CDK5RAP2: variants seen among roughly 807,000 people sequenced by gnomAD.
The protein encoded by CDK5RAP2 is CDK5 regulatory subunit associated protein 2.
Under a neutral mutation model 232.9 loss-of-function variants are expected in CDK5RAP2, and 147 were observed. The observed-to-expected ratio is 0.63, with a 90% CI of 0.55 to 0.72. CDK5RAP2 has a LOEUF of 0.72. Among genes scored for constraint, CDK5RAP2 ranks in the 30% least tolerant of loss-of-function variants. CDK5RAP2 has a pLI of 0.00. For missense variants in CDK5RAP2, 2,195 were observed against 2,231.5 expected (o/e 0.98, Z 0.33); for synonymous variants, 833 against 833.7 (o/e 1.00, Z 0.01).
chr9:120,535,741 AG>A (rs1220111343), intron 7 of CDK5RAP2, among the ~76,000 whole-genome samples: 2 of 152,250 alleles, frequency 1.3e-5, no homozygotes, highest in Admixed American at 1.3e-4. Context: ...GACTGCCTAA[AG>A]GACATATCAA....
Position 120,403,162 on chromosome 9 carries a change from G to C in CDK5RAP2, c.5042-91C>G. 1 of 1,395,964 alleles carries C rather than the reference G, an allele frequency of 7.2e-7. No individual in the cohort carries two copies. The highest frequency in any genetic ancestry group is 1.0e-6 in the Non-Finnish European group (1 of 990,338). The allele number at this position is 1,395,964 out of a possible 1,614,324, so 86.5% of individuals were successfully genotyped here. ...ATGTTGAAGCTAGCTAGGAGGGCTA[G>C]AAGAGGCCCTCGTGCCCAAATGCCA... On this transcript the variant is annotated intron_variant, in intron 33 of 37. Coordinates refer to ENST00000349780, the MANE Select transcript of CDK5RAP2 (RefSeq NM_018249.6). This position sits in a 1 kb window ranked among gnomAD's most constrained non-coding sequence, Gnocchi z 4.2.
intron 22 of CDK5RAP2, among the ~76,000 whole-genome samples, chr9:120,444,654 CTTAAAA>C (rs531171294): frequency 1.6e-3 from 238 of 152,280 alleles, no homozygotes; most frequent in Non-Finnish European, 2.0e-3. Context: ...CAAAAGAAAA[CTTAAAA>C]TTAAATGGAA....
chr9:120,506,133 C>T (rs117829799), intron 12 of CDK5RAP2, among the ~76,000 whole-genome samples: 1 of 152,318 alleles, frequency 6.6e-6, no homozygotes, highest in Non-Finnish European at 1.5e-5. Flanking sequence ...GGGGCTAATG[C>T]AGCTGGTAAC....
chr9:120,389,818 G>T, intron 36 of CDK5RAP2, 31 bp from the exon 37 acceptor site: 1 of 1,609,366 alleles, frequency 6.2e-7, no homozygotes, highest in Non-Finnish European at 8.5e-7. Context: ...GCAATGATTA[G>T]GGCCATGGAT....
At chr9:120,515,396 A>G (rs2040286788) in intron 12 of CDK5RAP2, among the ~76,000 whole-genome samples, 1 of 152,210 alleles carries the variant, frequency 6.6e-6, no homozygotes, top group African/African-American at 2.4e-5. Flanking sequence ...TACAGGTTAT[A>G]TTAATTAACT....
Position 120,455,736 on chromosome 9 carries a change from C to CA in CDK5RAP2, c.2376-1864dup, listed in dbSNP as rs774549079. 3.0e-3 allele frequency among the ~76,000 whole-genome samples: 393 copies of CA among 131,460 alleles called. 3 individuals carry two copies. Among genetic ancestry groups the CA allele is most frequent in the African/African-American group, 5.0e-3 (178 of 35,710 alleles). 86.2% of individuals were successfully genotyped at this position (131,460 alleles called of 152,430 possible). A position where few individuals can be genotyped will look rare whatever the true frequency, so the allele number is the denominator to read the frequency against. ...TGGGCAACAGAGCCAAACCTTGTGTCAAAAAAAAAAAAAAATCAAGAAAGG... is the reference window on the plus strand; with the variant it reads ...TGGGCAACAGAGCCAAACCTTGTGTCAAAAAAAAAAAAAAAATCAAGAAAGG... On this transcript the variant is annotated intron_variant, in intron 20 of 37. Coordinates refer to ENST00000349780, the MANE Select transcript of CDK5RAP2 (RefSeq NM_018249.6).
chr9:120,402,655 T>A (rs2033125162), intron 34 of CDK5RAP2, 151 bp downstream of exon 34: 1 of 814,010 alleles, frequency 1.2e-6, no homozygotes, highest in Admixed American at 2.4e-5. Context: ...TTCCCCACAC[T>A]GGACCTGACC....
chr9:120,546,786 G>T (rs2041858268), intron 4 of CDK5RAP2, among the ~76,000 whole-genome samples: 1 of 151,926 alleles, frequency 6.6e-6, no homozygotes, highest in Admixed American at 6.6e-5. Flanking sequence ...GGCGTGCACT[G>T]CCACACCCGT....
In CDK5RAP2 at chr9:120,473,792, G is replaced by A. The variant is rs369433425; in HGVS notation, c.1728-1914C>T. On this transcript the variant is annotated intron_variant, in intron 15 of 37. Transcript: ENST00000349780. ...GGAGAAAAAAAGAGACTGTTTTAGA[G>A]AAGCTCCTGCGATTAGGGCTGGGGA... Among the ~76,000 whole-genome samples the A allele has an allele frequency of 1.8e-4, 27 of 152,334 alleles. No homozygotes were observed. In the East Asian group the frequency reaches 2.1e-3, roughly 12 times the overall value.
At chr9:120,564,243 G>A (rs1016241586) in intron 3 of CDK5RAP2, among the ~76,000 whole-genome samples, 2 of 152,086 alleles carry the variant, frequency 1.3e-5, no homozygotes, top group Non-Finnish European at 2.9e-5. Flanking sequence ...CAAGGCAGGC[G>A]GATCACAAGG....
At chr9:120,527,455 A>T (rs1037535474) in intron 10 of CDK5RAP2, among the ~76,000 whole-genome samples, 4 of 152,178 alleles carry the variant, frequency 2.6e-5, no homozygotes, top group African/African-American at 9.7e-5. Flanking sequence ...TCTGAAAAAA[A>T]AAAGTGTTGA....
chr9:120,401,917 G>A (rs2033052450), intron 34 of CDK5RAP2, among the ~76,000 whole-genome samples: 1 of 151,982 alleles, frequency 6.6e-6, no homozygotes, highest in Non-Finnish European at 1.5e-5. Flanking sequence ...CCAAGAGGAG[G>A]AGGCTGCAGT....
chr9:120,426,256 T>C (rs1172972545), intron 25 of CDK5RAP2, among the ~76,000 whole-genome samples: 1 of 152,230 alleles, frequency 6.6e-6, no homozygotes, highest in Non-Finnish European at 1.5e-5. Flanking sequence ...GCCAAGGTTA[T>C]GGATCATGAC....
chr9:120,405,391 G>A (rs970610890), intron 32 of CDK5RAP2, among the ~76,000 whole-genome samples: 2 of 152,106 alleles, frequency 1.3e-5, no homozygotes, highest in African/African-American at 2.4e-5. Flanking sequence ...GGCTGCTTTC[G>A]GCAAATTTCA....
intron 31 of CDK5RAP2, chr9:120,407,519 G>T (rs759151997): frequency 5.0e-4 from 249 of 493,502 alleles, no homozygotes; most frequent in Middle Eastern, 2.8e-3. Context: ...CCGAAATTAT[G>T]TCTAGTAGTA....
intron 14 of CDK5RAP2, among the ~76,000 whole-genome samples, chr9:120,482,170 A>G (rs1302509816): frequency 6.6e-6 from 1 of 152,204 alleles, no homozygotes; most frequent in African/African-American, 2.4e-5. Context: ...GGTTGGGGAA[A>G]AAAAACAATA....
intron 17 of CDK5RAP2, among the ~76,000 whole-genome samples, chr9:120,468,339 C>T (rs1450685610): frequency 1.3e-5 from 2 of 152,192 alleles, no homozygotes; most frequent in Non-Finnish European, 2.9e-5. Context: ...TCTAAGTGCT[C>T]AGTCAATGAC....
intron 11 of CDK5RAP2, among the ~76,000 whole-genome samples, chr9:120,521,119 C>T (rs975498459): frequency 1.3e-5 from 2 of 152,116 alleles, no homozygotes; most frequent in African/African-American, 4.8e-5. Flanking sequence ...ACAGAGGTTC[C>T]ACAAACCAAA....
At chr9:120,531,521 T>C (rs1013146869) in intron 7 of CDK5RAP2, among the ~76,000 whole-genome samples, 17 of 152,138 alleles carry the variant, frequency 1.1e-4, no homozygotes, top group African/African-American at 4.1e-4. Context: ...AGGGGTGACT[T>C]GTGATTGTGG....
Sources: allele counts gnomAD v4.1 joint callset (sites outside exome capture counted in the v4.1 genomes callset), GRCh38; gene constraint gnomAD v4.1.1; non-coding constraint Gnocchi (gnomAD v3.1); transcripts MANE v1.5; gene names NCBI Gene and HGNC (gene_info 2026-07-23, HGNC 2026-07-21).